The following PTPRD variants were observed in gnomAD, a reference collection of about 807,000 sequenced individuals.
PTPRD encodes protein tyrosine phosphatase receptor type D.
Under a neutral mutation model 214.5 loss-of-function variants are expected in PTPRD, and 34 were observed. The ratio of observed to expected loss-of-function variants is 0.16; its 90% CI spans 0.12 to 0.21. The LOEUF (loss-of-function observed/expected upper bound fraction) is 0.21, where lower values mean the gene tolerates loss of function less well. Ranked by LOEUF, PTPRD falls within the 10% of genes least tolerant of loss-of-function variation. PTPRD has a pLI of 1.00. For missense variants in PTPRD, 2,545 were observed against 2,398.7 expected (o/e 1.06, Z -1.27); for synonymous variants, 1,128 against 845.7 (o/e 1.33, Z -5.79).
At chr9:8,400,711 A>G (rs2092246487) in intron 36 of PTPRD, among the ~76,000 whole-genome samples, 1 of 152,126 alleles carries the variant, frequency 6.6e-6, no homozygotes, top group African/African-American at 2.4e-5. Flanking sequence ...CTAGCAAGTT[A>G]TATTATTTAT....
chr9:10,562,926 T>C (rs1322570721), intron 2 of PTPRD, among the ~76,000 whole-genome samples: 2 of 152,174 alleles, frequency 1.3e-5, no homozygotes, highest in Non-Finnish European at 2.9e-5. Flanking sequence ...CCAGCCATGA[T>C]TGTTGTAACT....
intron 2 of PTPRD, among the ~76,000 whole-genome samples, chr9:10,392,676 A>G (rs1394405030): frequency 6.6e-6 from 1 of 151,878 alleles, no homozygotes; most frequent in Non-Finnish European, 1.5e-5. Context: ...AATCCAGAGA[A>G]GAGAATTCGG....
intron 3 of PTPRD, among the ~76,000 whole-genome samples, chr9:10,250,784 A>G (rs2092693870): frequency 7.9e-5 from 12 of 151,972 alleles, no homozygotes; most frequent in Admixed American, 7.9e-4. Flanking sequence ...GTTTTACTAT[A>G]TATATAAAAT....
chr9:9,144,581 G>A (rs1489180809), intron 10 of PTPRD, among the ~76,000 whole-genome samples: 6 of 152,016 alleles, frequency 3.9e-5, no homozygotes, highest in African/African-American at 1.2e-4. Context: ...ATGAAACCCC[G>A]TCTCTACTAA....
chr9:8,765,653 G>C (rs1385064035), intron 11 of PTPRD, among the ~76,000 whole-genome samples: 1 of 152,164 alleles, frequency 6.6e-6, no homozygotes, highest in South Asian at 2.1e-4. Flanking sequence ...ACCTGGTTAA[G>C]CTACTCCCAT....
At chr9:10,254,177 T>C (rs1431731683) in intron 3 of PTPRD, among the ~76,000 whole-genome samples, 3 of 152,230 alleles carry the variant, frequency 2.0e-5, no homozygotes, top group East Asian at 1.9e-4. Flanking sequence ...TATTTACCTT[T>C]TATCATTTAT....
At chr9:10,470,415 TAAAAA>T (rs1372880855) in intron 2 of PTPRD, among the ~76,000 whole-genome samples, 2 of 152,148 alleles carry the variant, frequency 1.3e-5, no homozygotes, top group African/African-American at 2.4e-5. Context: ...GTCAAGTTTA[TAAAAA>T]CCTTCTAAGA....
At chr9:8,782,816 G>C (rs201667395) in intron 11 of PTPRD, among the ~76,000 whole-genome samples, 24 of 152,076 alleles carry the variant, frequency 1.6e-4, no homozygotes, top group African/African-American at 5.8e-4. Context: ...GGCTGGTCTC[G>C]AACTCCTGAC....
chr9:8,892,036 C>A (rs1235015441), intron 11 of PTPRD, among the ~76,000 whole-genome samples: 1 of 152,120 alleles, frequency 6.6e-6, no homozygotes, highest in African/African-American at 2.4e-5. Flanking sequence ...CTACTCCCTC[C>A]CTTCCTGCTT....
chr9:8,680,379 C>A (rs2097528077), intron 12 of PTPRD, among the ~76,000 whole-genome samples: 2 of 152,132 alleles, frequency 1.3e-5, no homozygotes, highest in Admixed American at 1.3e-4. Flanking sequence ...TAAAGGGCTA[C>A]CACTCCCAGG....
chr9:9,006,741 C>G (rs1451852106), intron 11 of PTPRD, among the ~76,000 whole-genome samples: 1 of 151,926 alleles, frequency 6.6e-6, no homozygotes, highest in South Asian at 2.1e-4. Context: ...AGTAAGAAAT[C>G]TAAGATAAAG....
intron 8 of PTPRD, among the ~76,000 whole-genome samples, chr9:9,416,848 C>A (rs2077137301): frequency 6.6e-6 from 1 of 152,140 alleles, no homozygotes; most frequent in African/African-American, 2.4e-5. Context: ...AAATCCTGTT[C>A]TCATTTCCTG....
intron 9 of PTPRD, among the ~76,000 whole-genome samples, chr9:9,360,760 A>T (rs534226105): frequency 6.6e-6 from 1 of 151,258 alleles, no homozygotes; most frequent in African/African-American, 2.4e-5. Context: ...GATGATAGAT[A>T]GCTTTACAGT....
intron 10 of PTPRD, among the ~76,000 whole-genome samples, chr9:9,121,460 A>G (rs1012787563): frequency 1.3e-5 from 2 of 152,268 alleles, no homozygotes; most frequent in Non-Finnish European, 2.9e-5. Flanking sequence ...TTTGGTATAT[A>G]TATATATACA....
At chr9:9,698,673 C>G (rs779462831) in intron 7 of PTPRD, among the ~76,000 whole-genome samples, 4 of 152,162 alleles carry the variant, frequency 2.6e-5, no homozygotes, top group Non-Finnish European at 4.4e-5. Context: ...CCCAATGCTT[C>G]CTATGGGTTG....
chr9:9,453,084 C>G (rs982747569), intron 8 of PTPRD, among the ~76,000 whole-genome samples: 1 of 149,480 alleles, frequency 6.7e-6, no homozygotes, highest in African/African-American at 2.5e-5. Context: ...ACCACTGATA[C>G]ATATTAATTA....
intron 44 of PTPRD, among the ~76,000 whole-genome samples, chr9:8,328,696 G>C (rs1297543622): frequency 5.3e-5 from 8 of 151,578 alleles, no homozygotes; most frequent in African/African-American, 1.9e-4. Flanking sequence ...TTTTCATATA[G>C]TCCCATATTT....
intron 34 of PTPRD, among the ~76,000 whole-genome samples, chr9:8,446,638 T>A (rs2095739684): frequency 6.6e-6 from 1 of 152,292 alleles, no homozygotes; most frequent in South Asian, 2.1e-4. Context: ...ATGTATATTA[T>A]TAATAAATAT....
At chr9:9,493,286 T>G (rs2096004593) in intron 8 of PTPRD, among the ~76,000 whole-genome samples, 1 of 152,124 alleles carries the variant, frequency 6.6e-6, no homozygotes, top group African/African-American at 2.4e-5. Flanking sequence ...TAGTACCAAA[T>G]TTTTAAAGCC....
Sources: allele counts gnomAD v4.1 joint callset (sites outside exome capture counted in the v4.1 genomes callset), GRCh38; gene constraint gnomAD v4.1.1; transcripts MANE v1.5; gene names NCBI Gene and HGNC (gene_info 2026-07-23, HGNC 2026-07-21).